C12orf50: variants seen among roughly 807,000 people sequenced by gnomAD.
The protein encoded by C12orf50 is uncharacterized protein C12orf50.
C12orf50 carries 35 observed loss-of-function variants against 61.6 expected under a neutral mutation model. The ratio of observed to expected loss-of-function variants is 0.57; its 90% CI spans 0.43 to 0.75. The LOEUF (loss-of-function observed/expected upper bound fraction) is 0.75, where lower values mean the gene tolerates loss of function less well. Among genes scored for constraint, C12orf50 ranks in the 30% least tolerant of loss-of-function variants. C12orf50 has a pLI of 0.00. For synonymous variants in C12orf50, 178 were observed against 161.5 expected (o/e 1.10, Z -0.77); for missense variants, 475 against 488.5 (o/e 0.97, Z 0.26).
Position 87,998,145 on chromosome 12 carries a change from GACTGGA to G in C12orf50, c.173_178del (p.Leu58_Ser60delinsPro), listed in dbSNP as rs1565747516. 6.2e-7 allele frequency: 1 copy of G among 1,612,412 alleles called. No homozygotes were observed. Among genetic ancestry groups the G allele is most frequent in the East Asian group, 2.2e-5 (1 of 44,784 alleles). On this transcript the variant is annotated inframe_deletion, in exon 4 of 13. Transcript: ENST00000298699. ...AGGTTTCAGAGGTTCTTGACTCTGGGACTGGAGTGGAATTCCTTCCTGAATTTCTTT... is the reference window on the plus strand; with the variant it reads ...AGGTTTCAGAGGTTCTTGACTCTGGGGTGGAATTCCTTCCTGAATTTCTTT...
chr12:87,986,871 C>G (rs1184788444), intron 9 of C12orf50, among the ~76,000 whole-genome samples: 1 of 151,986 alleles, frequency 6.6e-6, no homozygotes, highest in Non-Finnish European at 1.5e-5. Context: ...TTATTTTAAG[C>G]TCTTAAATTG....
rs140598565 is a variant in C12orf50 at position 88,014,333 on chromosome 12, G to A, written c.133+12155C>T. ...ATTTATTTTTTAGAGACAGAGTCTC[G>A]CTCTGTTGCCCAGGCTGGAGTGCAG... On this transcript the variant is annotated intron_variant, in intron 3 of 12. Transcript: ENST00000298699. 8.0e-3 allele frequency among the ~76,000 whole-genome samples: 1,209 copies of A among 151,814 alleles called. 14 individuals are homozygous for A. The highest frequency in any genetic ancestry group is 0.028 in the African/African-American group (1,150 of 41,368).
intron 3 of C12orf50, among the ~76,000 whole-genome samples, chr12:88,023,547 G>A (rs984585542): frequency 1.1e-4 from 16 of 151,146 alleles, no homozygotes; most frequent in Middle Eastern, 3.2e-3. Flanking sequence ...ACGTGCCTGT[G>A]GTCTCAGCTA....
chr12:88,028,984 G>T (rs2032803116), intron 1 of C12orf50: 1 of 681,502 alleles, frequency 1.5e-6, no homozygotes, highest in Non-Finnish European at 1.9e-6. Flanking sequence ...TTTTTGTTCA[G>T]CAATACAAGT....
At chr12:88,017,415 G>A (rs1336420881) in intron 3 of C12orf50, among the ~76,000 whole-genome samples, 3 of 152,200 alleles carry the variant, frequency 2.0e-5, no homozygotes, top group African/African-American at 7.2e-5. Flanking sequence ...GGAACTGTAA[G>A]TCCATTAAAT....
intron 11 of C12orf50, chr12:87,985,256 A>G (rs968768667): frequency 1.3e-5 from 2 of 152,188 alleles, no homozygotes; most frequent in African/African-American, 4.8e-5. Context: ...AAAAGAACAA[A>G]ATCCATCTGA....
At chr12:87,991,891 G>C (rs1324161797) in intron 7 of C12orf50, among the ~76,000 whole-genome samples, 7 of 152,280 alleles carry the variant, frequency 4.6e-5, no homozygotes, top group Non-Finnish European at 1.0e-4. Context: ...GTGCTTTCAT[G>C]CATTGTTTTT....
At chr12:87,980,979 G>A (rs938111064) in intron 12 of C12orf50, among the ~76,000 whole-genome samples, 12 of 152,112 alleles carry the variant, frequency 7.9e-5, no homozygotes, top group Non-Finnish European at 1.2e-4. Flanking sequence ...AGAAACATAA[G>A]CTAATCTTTC....
chr12:87,995,736 A>G (rs928393214), intron 6 of C12orf50, among the ~76,000 whole-genome samples: 2 of 151,950 alleles, frequency 1.3e-5, no homozygotes, highest in African/African-American at 4.8e-5. Context: ...GTCCTTCCCT[A>G]TATGGTTCCC....
intron 9 of C12orf50, among the ~76,000 whole-genome samples, chr12:87,987,067 C>A (rs2030862906): frequency 6.6e-6 from 1 of 152,156 alleles, no homozygotes; most frequent in Admixed American, 6.6e-5. Context: ...TCTGTTACTT[C>A]ACTGTGCAAG....
At chr12:88,028,870 A>G (rs920661933) in intron 1 of C12orf50, among the ~76,000 whole-genome samples, 25 of 152,278 alleles carry the variant, frequency 1.6e-4, no homozygotes, top group African/African-American at 5.8e-4. Flanking sequence ...AATAATTTTA[A>G]ATTATCTCAG....
intron 7 of C12orf50, among the ~76,000 whole-genome samples, 180 bp downstream of exon 7, chr12:87,994,453 G>C (rs115304642): frequency 6.6e-6 from 1 of 151,850 alleles, no homozygotes; most frequent in African/African-American, 2.4e-5. Flanking sequence ...ACACAAATTC[G>C]CACAAGGTAT....
At position 88,020,197 on chromosome 12, in the gene C12orf50, C is replaced by T. The variant is rs577902945; in HGVS notation, c.133+6291G>A. ...TCAAATCCACACATATCAATGTAACCTTGAATGTAAAGGAGCTAAATGCAC... is the reference window on the plus strand; with the variant it reads ...TCAAATCCACACATATCAATGTAACTTTGAATGTAAAGGAGCTAAATGCAC... On this transcript the variant is annotated intron_variant, in intron 3 of 12. Coordinates refer to ENST00000298699, the MANE Select transcript of C12orf50 (RefSeq NM_152589.3). Among the ~76,000 whole-genome samples, 26 of 152,224 alleles carry T rather than the reference C, an allele frequency of 1.7e-4. No homozygotes were observed. In the South Asian group the frequency reaches 5.4e-3, roughly 32 times the overall value.
At chr12:88,029,153 T>G in intron 1 of C12orf50, 187 bp downstream of exon 1, 4 of 1,247,536 alleles carry the variant, frequency 3.2e-6, no homozygotes, top group Non-Finnish European at 4.1e-6. Context: ...CCAATGGTTT[T>G]TTTTTTTTGA....
At chr12:87,991,064 G>T (rs978848254) in intron 7 of C12orf50, among the ~76,000 whole-genome samples, 4 of 152,104 alleles carry the variant, frequency 2.6e-5, no homozygotes, top group African/African-American at 9.7e-5. Context: ...TGCTTTAGGG[G>T]TAAGGGTCTT....
At chr12:88,027,636 A>G (rs1416974974) in intron 1 of C12orf50, 1 of 152,220 alleles carries the variant, frequency 6.6e-6, no homozygotes, top group African/African-American at 2.4e-5. Context: ...TTTGGCTTAG[A>G]AAGATAAACA....
intron 7 of C12orf50, 113 bp downstream of exon 7, chr12:87,994,519 CT>C (rs2031291638): frequency 2.8e-5 from 22 of 773,716 alleles, no homozygotes; most frequent in Non-Finnish European, 4.5e-5. Flanking sequence ...CCTCCAAACT[CT>C]TGTGTTAAAC....
chr12:88,008,134 G>T (rs905148806), intron 3 of C12orf50, among the ~76,000 whole-genome samples: 2 of 151,876 alleles, frequency 1.3e-5, no homozygotes, highest in African/African-American at 4.8e-5. Flanking sequence ...GTACCATGGG[G>T]GTTTGTTGTA....
chr12:88,021,504 G>A (rs1362042440), intron 3 of C12orf50, among the ~76,000 whole-genome samples: 1 of 152,052 alleles, frequency 6.6e-6, no homozygotes, highest in Non-Finnish European at 1.5e-5. Context: ...CAGGCATGGT[G>A]GTGCATGCCT....
Sources: allele counts gnomAD v4.1 joint callset (sites outside exome capture counted in the v4.1 genomes callset), GRCh38; gene constraint gnomAD v4.1.1; transcripts MANE v1.5; gene names NCBI Gene and HGNC (gene_info 2026-07-23, HGNC 2026-07-21).